PIP4K2A: variants seen among roughly 807,000 people sequenced by gnomAD.
PIP4K2A encodes the protein phosphatidylinositol 5-phosphate 4-kinase type-2 alpha.
In PIP4K2A, 14 loss-of-function variants were observed where a neutral mutation model predicts 42.9. The ratio of observed to expected loss-of-function variants is 0.33; its 90% confidence interval spans 0.22 to 0.51. The LOEUF is 0.51. Among genes scored for constraint, PIP4K2A ranks in the 20% least tolerant of loss-of-function variants. PIP4K2A has a pLI of 0.97. For missense variants in PIP4K2A, 434 were observed against 519.8 expected, an observed-to-expected ratio of 0.83 and a Z score of 1.61; for synonymous variants, 192 against 192.2, an observed-to-expected ratio of 1.00 and a Z score of 0.01.
rs1298874716 is a variant in PIP4K2A at position 22,581,556 on chromosome 10, T to TCCTAC, written c.493-8100_493-8099insGTAGG. Among the ~76,000 whole-genome samples, 3 of 96,630 alleles carry TCCTAC rather than the reference T, an allele frequency of 3.1e-5. No individual in the cohort carries two copies. In the East Asian group the frequency reaches 8.1e-4, roughly 26 times the overall value. 63.4% of individuals were successfully genotyped at this position (96,630 alleles called of 152,430 possible). ...GATCAGCCAGGGCAACACAGGGAGATCCTATCTCTAAAAAAAAAAAAAAAA... is the reference window on the plus strand; with the variant it reads ...GATCAGCCAGGGCAACACAGGGAGATCCTACCCTATCTCTAAAAAAAAAAAAAAAA... On this transcript the variant is annotated intron_variant, in intron 4 of 9. Transcript: ENST00000376573.
At chr10:22,602,181 C>A (rs940005306) in intron 3 of PIP4K2A, among the ~76,000 whole-genome samples, 5 of 151,900 alleles carry the variant, frequency 3.3e-5, no homozygotes, top group Admixed American at 3.3e-4. Context: ...TCGCTTGAGC[C>A]CAGGAGTTCG....
At chr10:22,709,478 C>A (rs559866684) in intron 1 of PIP4K2A, among the ~76,000 whole-genome samples, 10 of 152,092 alleles carry the variant, frequency 6.6e-5, no homozygotes, top group African/African-American at 9.7e-5. Context: ...ATTTGTATTT[C>A]GAAGGCTATG....
At chr10:22,651,449 C>G (rs1344951982) in intron 1 of PIP4K2A, among the ~76,000 whole-genome samples, 2 of 152,208 alleles carry the variant, frequency 1.3e-5, no homozygotes, top group South Asian at 4.1e-4. Flanking sequence ...GGCCTTTGCT[C>G]TGTTCTCCCA....
chr10:22,663,408 G>T (rs1393620110), intron 1 of PIP4K2A, among the ~76,000 whole-genome samples: 2 of 152,084 alleles, frequency 1.3e-5, no homozygotes, highest in Non-Finnish European at 2.9e-5. Context: ...ATTTCCATAT[G>T]GTTGGTTGTT....
At chr10:22,563,320 C>CAATTCT (rs1199233947) in intron 6 of PIP4K2A, among the ~76,000 whole-genome samples, 2 of 152,242 alleles carry the variant, frequency 1.3e-5, no homozygotes, top group Non-Finnish European at 2.9e-5. Context: ...AATGTTTGCA[C>CAATTCT]AGTGTAAGAC....
intron 7 of PIP4K2A, among the ~76,000 whole-genome samples, chr10:22,542,563 G>A (rs766966756): frequency 6.6e-6 from 1 of 152,230 alleles, no homozygotes; most frequent in Non-Finnish European, 1.5e-5. Flanking sequence ...CATCTGGTGA[G>A]TAATGCAGTC....
chr10:22,619,323 A>T (rs978117026), intron 1 of PIP4K2A, among the ~76,000 whole-genome samples: 5 of 152,178 alleles, frequency 3.3e-5, no homozygotes, highest in Non-Finnish European at 7.3e-5. Context: ...TCAGTTACAG[A>T]GGCAGGAAAA....
At chr10:22,660,107 G>A (rs953817143) in intron 1 of PIP4K2A, among the ~76,000 whole-genome samples, 12 of 151,976 alleles carry the variant, frequency 7.9e-5, no homozygotes, top group African/African-American at 1.7e-4. Context: ...CATGAAAACC[G>A]TCTCACTTCC....
At chr10:22,681,987 T>C (rs566551045) in intron 1 of PIP4K2A, among the ~76,000 whole-genome samples, 6 of 152,318 alleles carry the variant, frequency 3.9e-5, no homozygotes, top group Admixed American at 3.9e-4. Context: ...AAATACTTTT[T>C]TAGAAAACCA....
chr10:22,678,516 A>G (rs1564464920), intron 1 of PIP4K2A, among the ~76,000 whole-genome samples: 1 of 152,124 alleles, frequency 6.6e-6, no homozygotes, highest in Non-Finnish European at 1.5e-5. Context: ...AGTAAAAAAT[A>G]AATAAATAAA....
Position 22,537,269 on chromosome 10 carries a change from T to G in PIP4K2A, c.1153A>C (p.Ile385Leu), listed in dbSNP as rs758019340. ...TACTGTTCTGGGTTCACGGTGGAGA[T>G]CTCCGCGCCAGCCTGGGCAGTTTTT... ...KTVKHGAGAE[I>L]STVNPEQYSK... The change falls in exon 10 of 10, where the codon ATC (isoleucine) becomes CTC (leucine). Residue 385 changes from isoleucine (I) to leucine (L), a missense_variant. This residue lies in a region of PIP4K2A where 39 missense variants were observed against 75.3 expected (regional missense o/e 0.52). Coordinates refer to ENST00000376573, the MANE Select transcript of PIP4K2A (RefSeq NM_005028.5). 1 of 1,603,644 alleles carries G rather than the reference T, an allele frequency of 6.2e-7. No individual in the cohort carries two copies. Among genetic ancestry groups the G allele is most frequent in the Non-Finnish European group, 8.5e-7 (1 of 1,173,838 alleles).
chr10:22,568,752 A>C (rs1454334783), intron 5 of PIP4K2A, among the ~76,000 whole-genome samples: 1 of 152,208 alleles, frequency 6.6e-6, no homozygotes, highest in African/African-American at 2.4e-5. Context: ...ATTCAAAAGA[A>C]AAGCTGGGAA....
At chr10:22,659,572 A>G (rs563809701) in intron 1 of PIP4K2A, 2 of 152,346 alleles carry the variant, frequency 1.3e-5, no homozygotes, top group Admixed American at 1.3e-4. Flanking sequence ...GGTCATTGAG[A>G]CATTAATGCT....
chr10:22,571,012 G>T (rs1290733583), intron 5 of PIP4K2A, among the ~76,000 whole-genome samples: 1 of 152,126 alleles, frequency 6.6e-6, no homozygotes, highest in Non-Finnish European at 1.5e-5. Context: ...ACACATGAAA[G>T]CATAACATTA....
intron 1 of PIP4K2A, among the ~76,000 whole-genome samples, chr10:22,707,237 G>A (rs960124758): frequency 2.6e-5 from 4 of 152,138 alleles, no homozygotes; most frequent in Non-Finnish European, 5.9e-5. Flanking sequence ...TCCAAAGTAG[G>A]TACCATTATT....
At chr10:22,694,871 T>G (rs1195386520) in intron 1 of PIP4K2A, among the ~76,000 whole-genome samples, 2 of 152,210 alleles carry the variant, frequency 1.3e-5, no homozygotes, top group African/African-American at 4.8e-5. Flanking sequence ...CTGGAACACA[T>G]TTTATGAGAA....
At chr10:22,594,452 G>A (rs35885150) in intron 3 of PIP4K2A, among the ~76,000 whole-genome samples, 30,221 of 152,234 alleles carry the variant, frequency 0.2, 3,869 homozygotes, top group Non-Finnish European at 0.29. Flanking sequence ...CTGGAGTACA[G>A]TGGTGCGATC....
chr10:22,660,476 A>T (rs559055869), intron 1 of PIP4K2A, among the ~76,000 whole-genome samples: 1 of 152,276 alleles, frequency 6.6e-6, no homozygotes, highest in African/African-American at 2.4e-5. Context: ...ATCTCAAAAA[A>T]ATAAAAAATA....
At position 22,568,874 on chromosome 10, in the gene PIP4K2A, C is replaced by T. The variant is rs180808330; in HGVS notation, c.640-985G>A. The T allele has an allele frequency of 4.3e-4, 271 of 625,572 alleles. 1 individual carries two copies. Among genetic ancestry groups the T allele is most frequent in the African/African-American group, 2.8e-3 (151 of 54,676 alleles). 38.8% of individuals were successfully genotyped at this position (625,572 alleles called of 1,614,324 possible). A position where few individuals can be genotyped will look rare whatever the true frequency, so the allele number is the denominator to read the frequency against. The stretch of plus-strand genomic sequence containing the variant: ...CTGGAGAAGAATCACAGGCCAATTT[C>T]CTGGGCTCCCTTCCCCTCCTGCACT... On this transcript the variant is annotated intron_variant, in intron 5 of 9. Transcript: ENST00000376573.
Sources: gnomAD v4.1 joint callset for allele counts (sites outside exome capture counted in the v4.1 genomes callset) on GRCh38, gnomAD v4.1.1 for gene constraint, gnomAD v4.1.1 regional missense constraint, MANE v1.5 for transcripts, NCBI Gene and HGNC (gene_info 2026-07-23, HGNC 2026-07-21) for gene names.